Variants in MEGF11 observed in about 807,000 individuals in gnomAD.
The protein encoded by MEGF11 is multiple EGF like domains 11.
A neutral mutation model predicts 146.6 loss-of-function variants in MEGF11; 126 were observed. The ratio of observed to expected loss-of-function variants is 0.86; its 90% CI spans 0.74 to 1.00. The LOEUF (loss-of-function observed/expected upper bound fraction) is 1.00. MEGF11 is among the 50% of genes least tolerant of loss of function. MEGF11 has a pLI of 0.00. For missense variants in MEGF11, 1,509 were observed against 1,521.2 expected (o/e 0.99, Z 0.13); for synonymous variants, 532 against 583.4 (o/e 0.91, Z 1.27).
intron 1 of MEGF11, among the ~76,000 whole-genome samples, chr15:66,237,625 G>A (rs1032509810): frequency 6.6e-6 from 1 of 152,152 alleles, no homozygotes; most frequent in Non-Finnish European, 1.5e-5. Flanking sequence ...ATAACAACAG[G>A]ACCTCCTTCC....
chr15:65,944,454 TGGG>T (rs1243910856), intron 10 of MEGF11, among the ~76,000 whole-genome samples: 1 of 151,886 alleles, frequency 6.6e-6, no homozygotes, highest in Admixed American at 6.6e-5. Flanking sequence ...ACACGTGGGT[TGGG>T]GGGCTGCAGG....
chr15:65,940,030 G>A (rs969071005), intron 10 of MEGF11, among the ~76,000 whole-genome samples: 2 of 152,186 alleles, frequency 1.3e-5, no homozygotes, highest in African/African-American at 2.4e-5. Context: ...GACACTGTGC[G>A]AGGTCAGGGG....
At chr15:66,019,670 GA>G (rs1394403468) in intron 5 of MEGF11, among the ~76,000 whole-genome samples, 18 of 152,256 alleles carry the variant, frequency 1.2e-4, no homozygotes, top group Admixed American at 5.2e-4. Context: ...TTCGGATGGA[GA>G]ATTGGGTTGG....
Position 65,921,367 on chromosome 15 carries a change from C to G in MEGF11, c.1957+971G>C, listed in dbSNP as rs1596841931. On this transcript the variant is annotated intron_variant, in intron 15 of 25. Transcript: ENST00000395614. ...TCAAACCTGTTCTGAAGGTCCCAGC[C>G]TACCTTCTGAGCCCCATTTCCCACC... is the stretch of plus-strand genomic sequence containing the variant. Among the ~76,000 whole-genome samples the G allele has an allele frequency of 2.0e-5, 3 of 152,314 alleles. No homozygotes were observed. In the South Asian group the frequency reaches 6.2e-4, roughly 32 times the overall value.
At chr15:66,181,114 A>T (rs2090534692) in intron 1 of MEGF11, among the ~76,000 whole-genome samples, 1 of 152,272 alleles carries the variant, frequency 6.6e-6, no homozygotes, top group African/African-American at 2.4e-5. Flanking sequence ...TGTTATTATT[A>T]GAAACAAAGT....
At chr15:66,001,238 C>T (rs75687954) in intron 5 of MEGF11, among the ~76,000 whole-genome samples, 28,273 of 152,072 alleles carry the variant, frequency 0.19, 3,283 homozygotes, top group East Asian at 0.6. Flanking sequence ...TCCACACGCC[C>T]CCACGAAAGT....
At chr15:66,119,039 C>T in intron 4 of MEGF11, 47 bp downstream of exon 4, 1 of 1,315,574 alleles carries the variant, frequency 7.6e-7, no homozygotes, top group Non-Finnish European at 1.1e-6. Flanking sequence ...CCTTTTGCCT[C>T]TCCTCCCTTC....
At chr15:66,048,028 C>A (rs1426633359) in intron 5 of MEGF11, among the ~76,000 whole-genome samples, 3 of 152,122 alleles carry the variant, frequency 2.0e-5, no homozygotes, top group Admixed American at 1.3e-4. Context: ...TCACTGCAAC[C>A]TCTGCCTCCT....
intron 1 of MEGF11, among the ~76,000 whole-genome samples, chr15:66,136,243 G>T (rs549840817): frequency 4.6e-5 from 7 of 152,234 alleles, no homozygotes; most frequent in African/African-American, 1.7e-4. Context: ...GTGGTGAAAC[G>T]CGGAGATCAG....
intron 1 of MEGF11, among the ~76,000 whole-genome samples, chr15:66,139,048 CT>C (rs943514633): frequency 1.3e-5 from 2 of 152,238 alleles, no homozygotes; most frequent in African/African-American, 4.8e-5. Context: ...AGCCCAGGCC[CT>C]GCTGACTTGC....
intron 10 of MEGF11, among the ~76,000 whole-genome samples, chr15:65,939,250 A>G (rs1416256741): frequency 6.6e-6 from 1 of 152,180 alleles, no homozygotes; most frequent in Non-Finnish European, 1.5e-5. Flanking sequence ...TGGCTCAGCT[A>G]TCCTTTTGTT....
intron 8 of MEGF11, chr15:65,967,050 G>A (rs2081127700): frequency 6.6e-6 from 1 of 152,212 alleles, no homozygotes; most frequent in Non-Finnish European, 1.5e-5. Flanking sequence ...TGATTCAACA[G>A]TGCGGATAAT....
chr15:66,011,181 G>C (rs1463308675), intron 5 of MEGF11, among the ~76,000 whole-genome samples: 1 of 152,188 alleles, frequency 6.6e-6, no homozygotes, highest in Non-Finnish European at 1.5e-5. Flanking sequence ...CTCAGGGATT[G>C]TTGTGCCCAC....
rs147909379 is a variant in MEGF11, at chr15:66,227,588, T to G, written c.-9+26017A>C. 1.7e-3 allele frequency among the ~76,000 whole-genome samples: 259 copies of G among 152,246 alleles called. 1 individual carries two copies. The East Asian group carries it at 0.022, about 13-fold the overall frequency. ...TATGCCCACCACCCACCCGCATACC[T>G]GCTTCTCCTGGGGCAGGACCCCCAT... On this transcript the variant is annotated intron_variant, in intron 1 of 25. Transcript: ENST00000395614.
intron 1 of MEGF11, among the ~76,000 whole-genome samples, chr15:66,247,323 A>G (rs1437372162): frequency 6.6e-6 from 1 of 152,228 alleles, no homozygotes; most frequent in Non-Finnish European, 1.5e-5. Flanking sequence ...TCAGAGATCA[A>G]TTTACAAATA....
At chr15:66,174,298 G>A (rs1481579081) in intron 1 of MEGF11, among the ~76,000 whole-genome samples, 1 of 152,174 alleles carries the variant, frequency 6.6e-6, no homozygotes, top group Non-Finnish European at 1.5e-5. Flanking sequence ...TGGAGGTGGG[G>A]CTGTTCTATT....
intron 5 of MEGF11, among the ~76,000 whole-genome samples, chr15:66,022,717 C>T (rs2083191967): frequency 6.6e-6 from 1 of 151,372 alleles, no homozygotes. Context: ...GTACTTCTAG[C>T]TACTCAGGAG....
chr15:66,243,119 C>G, intron 1 of MEGF11, among the ~76,000 whole-genome samples: 1 of 152,362 alleles, frequency 6.6e-6, no homozygotes, highest in East Asian at 1.9e-4. Flanking sequence ...CTGCCATTAA[C>G]TCACCGTGGC....
At chr15:65,914,095 G>A (rs754588400) in intron 19 of MEGF11, 122 bp from the exon 20 acceptor site, 42 of 729,510 alleles carry the variant, frequency 5.8e-5, no homozygotes, top group Middle Eastern at 3.8e-4. Context: ...GCTTTGGCCC[G>A]ATTCCTGAGT....
Sources: gnomAD v4.1 joint callset for allele counts (sites outside exome capture counted in the v4.1 genomes callset) on GRCh38, gnomAD v4.1.1 for gene constraint, MANE v1.5 for transcripts, NCBI Gene and HGNC (gene_info 2026-07-23, HGNC 2026-07-21) for gene names.